Variants in IL1RAPL2 observed in about 807,000 individuals in gnomAD.
The protein encoded by IL1RAPL2 is X-linked interleukin-1 receptor accessory protein-like 2.
A neutral mutation model predicts 44.1 loss-of-function variants in IL1RAPL2; 3 were observed. The observed-to-expected ratio is 0.07, with a 90% confidence interval of 0.03 to 0.18. The LOEUF (loss-of-function observed/expected upper bound fraction) is 0.18. Among genes scored for constraint, IL1RAPL2 ranks in the 10% least tolerant of loss-of-function variants. IL1RAPL2 has a pLI of 1.00. For missense variants in IL1RAPL2, 391 were observed against 496.4 expected (o/e 0.79, Z 2.02); for synonymous variants, 181 against 178.8 (o/e 1.01, Z -0.10).
chrX:105,688,156 CG>C (rs1174239162), intron 6 of IL1RAPL2, among the ~76,000 whole-genome samples: 2 of 111,370 alleles, frequency 1.8e-5, no homozygotes, highest in African/African-American at 6.5e-5. Flanking sequence ...CTTTGAAAAC[CG>C]GCACAAGACA....
At position 105,411,852 on chromosome X, in the gene IL1RAPL2, C is replaced by A. The variant is rs773871676; in HGVS notation, c.698-72461C>A. On this transcript the variant is annotated intron_variant, in intron 5 of 10. Transcript: ENST00000372582. ...TTCCAATAAACAACTGCAGAATACA[C>A]ATTCTTCTCAATTTCACATGGAACA... Among the ~76,000 whole-genome samples, 5 of 112,067 alleles carry A rather than the reference C, an allele frequency of 4.5e-5. No individual in the cohort carries two copies. The East Asian group carries it at 1.4e-3, about 32-fold the overall frequency.
intron 1 of IL1RAPL2, among the ~76,000 whole-genome samples, chrX:104,576,190 G>A (rs1273517242): frequency 9.0e-6 from 1 of 111,170 alleles, no homozygotes; most frequent in Non-Finnish European, 1.9e-5. Flanking sequence ...ACTGAGACAC[G>A]AGTTCAGTAA....
At chrX:105,154,099 G>A (rs1410369207) in intron 2 of IL1RAPL2, among the ~76,000 whole-genome samples, 4 of 111,668 alleles carry the variant, frequency 3.6e-5, no homozygotes, top group African/African-American at 1.3e-4. Context: ...CCAAAGTCAG[G>A]TTAGAAATTG....
intron 2 of IL1RAPL2, among the ~76,000 whole-genome samples, chrX:104,908,629 G>A (rs1365204407): frequency 1.8e-5 from 2 of 111,524 alleles, no homozygotes; most frequent in Non-Finnish European, 3.8e-5. Flanking sequence ...TTGAATATTG[G>A]CCCCCACTGT....
At chrX:104,860,819 A>T (rs1037719264) in intron 2 of IL1RAPL2, among the ~76,000 whole-genome samples, 1 of 111,288 alleles carries the variant, frequency 9.0e-6, no homozygotes, top group African/African-American at 3.3e-5. Flanking sequence ...AAAGTGGAAA[A>T]AAGTTAGGTT....
At chrX:105,001,987 G>A (rs1238927343) in intron 2 of IL1RAPL2, among the ~76,000 whole-genome samples, 2 of 111,127 alleles carry the variant, frequency 1.8e-5, no homozygotes, top group African/African-American at 6.5e-5. Flanking sequence ...CAAAGTGAAA[G>A]CAAAGGGGGT....
chrX:104,890,809 C>A (rs1241925488), intron 2 of IL1RAPL2, among the ~76,000 whole-genome samples: 3 of 111,679 alleles, frequency 2.7e-5, no homozygotes, highest in Non-Finnish European at 5.6e-5. Context: ...TTAATTAGAT[C>A]CCATTTGTCA....
At chrX:104,796,030 A>G (rs1474252748) in intron 2 of IL1RAPL2, among the ~76,000 whole-genome samples, 1 of 112,191 alleles carries the variant, frequency 8.9e-6, no homozygotes, top group Non-Finnish European at 1.9e-5. Context: ...TCTCACTTCC[A>G]TGAGAACAAG....
chrX:105,063,128 C>CT (rs1276655005), intron 2 of IL1RAPL2, among the ~76,000 whole-genome samples: 1 of 110,855 alleles, frequency 9.0e-6, no homozygotes, highest in Non-Finnish European at 1.9e-5. Context: ...GTTTTTTATT[C>CT]TTTTTCCGTT....
rs764127755 is a variant in IL1RAPL2, at chrX:104,898,084, A to G, written c.82+239089A>G. Reference sequence around the variant, plus strand: ...ACATTATTGGGTATCATTGACGGAGAGATTGGCAAAGGAAATCCTGCAAGA... The same window carrying G: ...ACATTATTGGGTATCATTGACGGAGGGATTGGCAAAGGAAATCCTGCAAGA... On this transcript the variant is annotated intron_variant, in intron 2 of 10. Coordinates refer to ENST00000372582, the MANE Select transcript of IL1RAPL2 (RefSeq NM_017416.2). 5.4e-5 allele frequency among the ~76,000 whole-genome samples: 6 copies of G among 111,657 alleles called. No individual in the cohort carries two copies. In the East Asian group the frequency reaches 1.7e-3, roughly 32 times the overall value.
At chrX:104,940,910 C>T (rs181856559) in intron 2 of IL1RAPL2, among the ~76,000 whole-genome samples, 5 of 88,695 alleles carry the variant, frequency 5.6e-5, no homozygotes, top group African/African-American at 1.3e-4. Flanking sequence ...TGGTGTGTGA[C>T]GTTCCCCACC....
chrX:104,613,224 G>A (rs1349099693), intron 1 of IL1RAPL2, among the ~76,000 whole-genome samples: 1 of 111,229 alleles, frequency 9.0e-6, no homozygotes, highest in Non-Finnish European at 1.9e-5. Flanking sequence ...GTAAGAGTGG[G>A]CATCTGTGTC....
intron 2 of IL1RAPL2, among the ~76,000 whole-genome samples, chrX:104,779,945 G>A (rs1212684125): frequency 1.8e-5 from 2 of 111,118 alleles, no homozygotes; most frequent in Non-Finnish European, 1.9e-5. Context: ...TGGTTATTAA[G>A]GAAACCCCTG....
In IL1RAPL2 at chrX:105,018,665, G is replaced by A. The variant is rs889623442; in HGVS notation, c.83-176810G>A. Among the ~76,000 whole-genome samples the A allele has an allele frequency of 3.6e-5, 4 of 111,043 alleles. No homozygotes were observed. In the Admixed American group the frequency reaches 3.9e-4, roughly 11 times the overall value. ...TTTAAAAACCAGGGATAACAACAAC[G>A]ATAACAAATAGTATTATTGAGAGAT... On this transcript the variant is annotated intron_variant, in intron 2 of 10. Transcript: ENST00000372582.
chrX:105,383,347 C>A (rs545242542), intron 5 of IL1RAPL2, among the ~76,000 whole-genome samples: 1 of 111,262 alleles, frequency 9.0e-6, no homozygotes, highest in Non-Finnish European at 1.9e-5. Flanking sequence ...TGAGTGAGAA[C>A]GTACAATATT....
At chrX:105,072,791 C>T (rs2032225755) in intron 2 of IL1RAPL2, among the ~76,000 whole-genome samples, 1 of 110,577 alleles carries the variant, frequency 9.0e-6, no homozygotes, top group Non-Finnish European at 1.9e-5. Context: ...CCTCCCCTAG[C>T]TCCTCACTCC....
chrX:105,190,429 C>T (rs1345908217), intron 2 of IL1RAPL2, among the ~76,000 whole-genome samples: 1 of 112,280 alleles, frequency 8.9e-6, no homozygotes, highest in Admixed American at 9.4e-5. Context: ...TTGGACAGCT[C>T]GCCCTCTAGT....
chrX:104,793,727 T>C (rs1419359330), intron 2 of IL1RAPL2, among the ~76,000 whole-genome samples: 1 of 111,432 alleles, frequency 9.0e-6, no homozygotes, highest in Non-Finnish European at 1.9e-5. Context: ...TATCCTATAT[T>C]TGGATTTTCG....
rs759408552 is a variant in IL1RAPL2, at chrX:104,626,159, A to G, written c.-19-32736A>G. 3.7e-4 allele frequency among the ~76,000 whole-genome samples: 41 copies of G among 111,083 alleles called. No individual in the cohort carries two copies. The South Asian group carries it at 0.016, about 42-fold the overall frequency. ...TATTGTTTAATGTGTGTCTCTCCCAATGAATGTTAGTTTCATGAGGGCAAG... is the reference window on the plus strand; with the variant it reads ...TATTGTTTAATGTGTGTCTCTCCCAGTGAATGTTAGTTTCATGAGGGCAAG... On this transcript the variant is annotated intron_variant, in intron 1 of 10. Transcript: ENST00000372582.
Sources: gnomAD v4.1 joint callset for allele counts (sites outside exome capture counted in the v4.1 genomes callset) on GRCh38, gnomAD v4.1.1 for gene constraint, MANE v1.5 for transcripts, NCBI Gene and HGNC (gene_info 2026-07-23, HGNC 2026-07-21) for gene names.